The following HS3ST4 variants were observed in gnomAD, a reference collection of about 807,000 sequenced individuals.
HS3ST4 encodes heparan sulfate glucosamine 3-O-sulfotransferase 4.
A neutral mutation model predicts 29.2 loss-of-function variants in HS3ST4; 17 were observed. The ratio of observed to expected loss-of-function variants is 0.58; its 90% CI spans 0.40 to 0.87. The LOEUF (loss-of-function observed/expected upper bound fraction) is 0.87. Ranked by LOEUF, HS3ST4 falls within the 40% of genes least tolerant of loss-of-function variation. HS3ST4 has a pLI of 0.00. For missense variants in HS3ST4, 627 were observed against 634.5 expected, an observed-to-expected ratio of 0.99 and a Z score of 0.13; for synonymous variants, 314 against 285.7, an observed-to-expected ratio of 1.10 and a Z score of -1.00.
intron 1 of HS3ST4, among the ~76,000 whole-genome samples, chr16:25,945,543 C>A (rs1290042633): frequency 6.6e-6 from 1 of 152,132 alleles, no homozygotes; most frequent in Non-Finnish European, 1.5e-5. Flanking sequence ...AAATATGTGT[C>A]ATAATTTTTA....
chr16:25,915,261 CGGAG>C lies in HS3ST4; in HGVS notation c.735-220350_735-220347del, dbSNP rs563545936. Reference sequence around the variant, plus strand: ...AAGACTCCGGGCGTGGGTTCCACCGCGGAGCATCTCCTCTGAGCCCAATAGATCT... The same window carrying C: ...AAGACTCCGGGCGTGGGTTCCACCGCCATCTCCTCTGAGCCCAATAGATCT... On this transcript the variant is annotated intron_variant, in intron 1 of 1. Coordinates refer to ENST00000331351, the MANE Select transcript of HS3ST4 (RefSeq NM_006040.3). Among the ~76,000 whole-genome samples, 484 of 152,276 alleles carry C rather than the reference CGGAG, an allele frequency of 3.2e-3. 1 individual carries two copies. Among genetic ancestry groups the C allele is most frequent in the Non-Finnish European group, 5.2e-3 (356 of 68,030 alleles).
At chr16:25,717,383 G>A (rs1201219190) in intron 1 of HS3ST4, among the ~76,000 whole-genome samples, 4 of 152,098 alleles carry the variant, frequency 2.6e-5, no homozygotes, top group Non-Finnish European at 5.9e-5. Flanking sequence ...AGTACTGTAA[G>A]ATAATATAAT....
In HS3ST4 at chr16:26,034,278, A is replaced by G. The variant is rs114047211; in HGVS notation, c.735-101334A>G. 2.3e-3 allele frequency among the ~76,000 whole-genome samples: 343 copies of G among 152,288 alleles called. 1 individual carries two copies. The highest frequency in any genetic ancestry group is 0.02 in the Middle Eastern group (6 of 294). ...GCAGATGCCCAGTGACCCAGGCAGC[A>G]TTTAAGGGAGCTGTAAGTGTGGATG... On this transcript the variant is annotated intron_variant, in intron 1 of 1. Transcript: ENST00000331351.
intron 1 of HS3ST4, among the ~76,000 whole-genome samples, chr16:25,945,255 A>G (rs373096043): frequency 2.0e-5 from 3 of 152,212 alleles, no homozygotes; most frequent in Non-Finnish European, 2.9e-5. Context: ...AGAAAATTAT[A>G]ACATACTGGC....
chr16:25,965,401 A>C (rs76583700), intron 1 of HS3ST4, among the ~76,000 whole-genome samples: 1 of 13,586 alleles, frequency 7.4e-5, no homozygotes, highest in Non-Finnish European at 1.7e-4. Context: ...TTTCTTGTCA[A>C]AAAAAAAAAA....
chr16:25,699,755 G>A (rs149425133), intron 1 of HS3ST4, among the ~76,000 whole-genome samples: 243 of 152,328 alleles, frequency 1.6e-3, no homozygotes, highest in African/African-American at 5.7e-3. Flanking sequence ...AGCATGTTTT[G>A]TATGTCTGAG....
rs948320088 is a variant in HS3ST4, at chr16:26,032,791, T to C, written c.735-102821T>C. 2.8e-6 allele frequency: 4 copies of C among 1,445,444 alleles called. No homozygotes were observed. The African/African-American group carries it at 5.6e-5, about 20-fold the overall frequency. The allele number at this position is 1,445,444 out of a possible 1,614,324, so 89.5% of individuals were successfully genotyped here. A position where few individuals can be genotyped will look rare whatever the true frequency, so the allele number is the denominator to read the frequency against. ...TGGCTTTATCTCCCTTAGCATCCCC[T>C]TCAGCCTTTCTCTTGGGCATGGTGG... is the stretch of plus-strand genomic sequence containing the variant. On this transcript the variant is annotated intron_variant, in intron 1 of 1. Coordinates refer to ENST00000331351, the MANE Select transcript of HS3ST4 (RefSeq NM_006040.3).
rs575293726 is a variant in HS3ST4, at chr16:25,971,007, T to C, written c.735-164605T>C. Among the ~76,000 whole-genome samples, 7 of 152,050 alleles carry C rather than the reference T, an allele frequency of 4.6e-5. No homozygotes were observed. In the East Asian group the frequency reaches 1.2e-3, roughly 25 times the overall value. Reference sequence around the variant, plus strand: ...CTGGGATTACAGGTGTGTGTCACCATGCCTGTCTATTTTTTGTATTTTTAG... The same window carrying C: ...CTGGGATTACAGGTGTGTGTCACCACGCCTGTCTATTTTTTGTATTTTTAG... On this transcript the variant is annotated intron_variant, in intron 1 of 1. Transcript: ENST00000331351.
intron 1 of HS3ST4, among the ~76,000 whole-genome samples, chr16:25,770,985 T>C (rs1242529076): frequency 7.2e-6 from 1 of 138,880 alleles, no homozygotes; most frequent in Non-Finnish European, 1.5e-5. Flanking sequence ...ACAGCCAGGA[T>C]TTTTTTTTTT....
intron 1 of HS3ST4, among the ~76,000 whole-genome samples, chr16:25,883,533 A>G (rs914707255): frequency 9.2e-5 from 14 of 152,316 alleles, no homozygotes; most frequent in Admixed American, 2.0e-4. Flanking sequence ...TCAAACAGGA[A>G]AGGGCTCAGA....
intron 1 of HS3ST4, among the ~76,000 whole-genome samples, chr16:25,734,371 C>CA (rs1966592327): frequency 6.6e-6 from 1 of 152,126 alleles, no homozygotes; most frequent in Admixed American, 6.5e-5. Context: ...TTCAGGGGTC[C>CA]ACCTCCTCAT....
At chr16:25,909,541 A>G (rs1316109609) in intron 1 of HS3ST4, among the ~76,000 whole-genome samples, 2 of 152,164 alleles carry the variant, frequency 1.3e-5, no homozygotes, top group South Asian at 2.1e-4. Context: ...GTGAGGGAGC[A>G]CAGGAGTCTT....
intron 1 of HS3ST4, among the ~76,000 whole-genome samples, chr16:26,009,897 A>T (rs1969295089): frequency 6.6e-6 from 1 of 152,246 alleles, no homozygotes; most frequent in Non-Finnish European, 1.5e-5. Context: ...AATGAACTGC[A>T]GTCACCGACC....
intron 1 of HS3ST4, among the ~76,000 whole-genome samples, chr16:26,052,235 T>A (rs1175720176): frequency 1.3e-5 from 2 of 152,120 alleles, no homozygotes; most frequent in African/African-American, 4.8e-5. Flanking sequence ...CATCGGACCC[T>A]TTTTGTCCAA....
intron 1 of HS3ST4, among the ~76,000 whole-genome samples, chr16:26,118,665 A>G (rs1596687634): frequency 6.6e-6 from 1 of 152,224 alleles, no homozygotes; most frequent in South Asian, 2.1e-4. Context: ...CCAGACATTT[A>G]ATATAAGAGC....
At chr16:25,949,081 G>T (rs184459202) in intron 1 of HS3ST4, among the ~76,000 whole-genome samples, 1 of 151,656 alleles carries the variant, frequency 6.6e-6, no homozygotes, top group Non-Finnish European at 1.5e-5. Context: ...TTTAGTTTTC[G>T]TGGGTACATA....
intron 1 of HS3ST4, among the ~76,000 whole-genome samples, chr16:25,865,997 C>G (rs1438023244): frequency 6.6e-6 from 1 of 152,208 alleles, no homozygotes; most frequent in African/African-American, 2.4e-5. Context: ...TAAAAGTCTT[C>G]TGCACAGCCA....
intron 1 of HS3ST4, 34 bp downstream of exon 1, chr16:25,693,185 G>C (rs773833696): frequency 6.6e-7 from 1 of 1,518,132 alleles, no homozygotes. Flanking sequence ...TGGTGGAGAC[G>C]CGTGGGGGAG....
chr16:25,854,336 T>G (rs1967552227), intron 1 of HS3ST4, among the ~76,000 whole-genome samples: 1 of 152,186 alleles, frequency 6.6e-6, no homozygotes, highest in South Asian at 2.1e-4. Flanking sequence ...ATGGCATTTG[T>G]AAACTGTCAT....
Sources: gnomAD v4.1 joint callset for allele counts (sites outside exome capture counted in the v4.1 genomes callset) on GRCh38, gnomAD v4.1.1 for gene constraint, MANE v1.5 for transcripts, NCBI Gene and HGNC (gene_info 2026-07-23, HGNC 2026-07-21) for gene names.